Variants in CADM2 observed in about 807,000 individuals in gnomAD.
CADM2 encodes the protein immunoglobulin superfamily member 4D.
In CADM2, 12 loss-of-function variants were observed where a neutral mutation model predicts 49.8. That is an observed-to-expected ratio of 0.24 (90% CI 0.15 to 0.39). The LOEUF (loss-of-function observed/expected upper bound fraction) is 0.39. CADM2 is among the 10% of genes least tolerant of loss of function. The pLI, the probability that CADM2 is intolerant of heterozygous loss-of-function variation, is 1.00. For synonymous variants in CADM2, 214 were observed against 175.4 expected (o/e 1.22, Z -1.74); for missense variants, 378 against 492.3 (o/e 0.77, Z 2.20).
chr3:85,010,803 A>C (rs568484196), intron 1 of CADM2, among the ~76,000 whole-genome samples: 1 of 129,972 alleles, frequency 7.7e-6, no homozygotes, highest in African/African-American at 3.0e-5. Context: ...TTCTTAGAAT[A>C]TTCACCAAAC....
At chr3:86,042,716 C>T (rs1169033326) in intron 8 of CADM2, among the ~76,000 whole-genome samples, 2 of 152,144 alleles carry the variant, frequency 1.3e-5, no homozygotes, top group Non-Finnish European at 2.9e-5. Context: ...GGAATCCTCC[C>T]TAACTCATTT....
intron 1 of CADM2, among the ~76,000 whole-genome samples, chr3:85,021,762 C>T (rs915694103): frequency 2.0e-5 from 3 of 151,886 alleles, no homozygotes; most frequent in Non-Finnish European, 4.4e-5. Flanking sequence ...GTGACAAGGG[C>T]GAAACTCCGT....
At chr3:85,612,585 T>A (rs1014686527) in intron 1 of CADM2, among the ~76,000 whole-genome samples, 5 of 151,850 alleles carry the variant, frequency 3.3e-5, no homozygotes, top group Non-Finnish European at 7.4e-5. Context: ...TAGTTAAGTA[T>A]GTTAGGTTTA....
chr3:85,506,620 A>G (rs1409104678), intron 1 of CADM2, among the ~76,000 whole-genome samples: 1 of 152,022 alleles, frequency 6.6e-6, no homozygotes, highest in Admixed American at 6.6e-5. Context: ...GCTGGACTCC[A>G]ACTCCTGAGC....
chr3:85,896,347 A>G (rs1014443012), intron 5 of CADM2, among the ~76,000 whole-genome samples: 5 of 152,216 alleles, frequency 3.3e-5, no homozygotes, highest in African/African-American at 1.2e-4. Flanking sequence ...GGTTATGCTT[A>G]TAGTAGGTTT....
chr3:85,763,755 A>G (rs2069511081), intron 2 of CADM2, among the ~76,000 whole-genome samples: 1 of 152,086 alleles, frequency 6.6e-6, no homozygotes, highest in African/African-American at 2.4e-5. Context: ...CTTTCCTCCC[A>G]TAGCTGCATA....
chr3:85,484,942 T>C (rs2039358305), intron 1 of CADM2, among the ~76,000 whole-genome samples: 2 of 152,076 alleles, frequency 1.3e-5, no homozygotes, highest in Non-Finnish European at 2.9e-5. Flanking sequence ...AGTTTGCCAG[T>C]GTAGCACAGT....
chr3:85,924,592 A>AAATAAAT (rs1553708090), intron 6 of CADM2, among the ~76,000 whole-genome samples: 1 of 146,218 alleles, frequency 6.8e-6, no homozygotes, highest in African/African-American at 2.5e-5. Context: ...ACAACATCTA[A>AAATAAAT]AAATAAATAA....
intron 3 of CADM2, among the ~76,000 whole-genome samples, chr3:85,821,591 C>T (rs948293249): frequency 1.3e-5 from 2 of 152,074 alleles, no homozygotes; most frequent in African/African-American, 4.8e-5. Flanking sequence ...TTAGGGTATA[C>T]ACTCTGTATA....
At chr3:86,059,930 C>T (rs1226875617) in intron 8 of CADM2, among the ~76,000 whole-genome samples, 2 of 152,008 alleles carry the variant, frequency 1.3e-5, no homozygotes, top group Non-Finnish European at 2.9e-5. Flanking sequence ...AATACACTTA[C>T]TTGTAGACAT....
intron 1 of CADM2, among the ~76,000 whole-genome samples, chr3:85,618,545 C>T (rs183852263): frequency 2.0e-3 from 308 of 152,110 alleles, no homozygotes; most frequent in Middle Eastern, 3.4e-3. Flanking sequence ...ACCATGGTAC[C>T]TTCCATTCTT....
chr3:85,825,819 T>C (rs923400564), intron 3 of CADM2, among the ~76,000 whole-genome samples: 4 of 152,072 alleles, frequency 2.6e-5, no homozygotes, highest in African/African-American at 4.8e-5. Context: ...GAATTATATA[T>C]TGGTGAATTC....
intron 1 of CADM2, among the ~76,000 whole-genome samples, chr3:85,490,264 C>T (rs1198245422): frequency 6.6e-6 from 1 of 152,094 alleles, no homozygotes; most frequent in East Asian, 1.9e-4. Context: ...AGGTTATAGA[C>T]TCAAGACTTG....
rs111813379 is a variant in CADM2, at chr3:85,278,381, A to T, written c.61+318713A>T. The stretch of plus-strand genomic sequence containing the variant: ...TGTCTCTTAGCCGTTATAAACTCTA[A>T]TTTTATTCTGAAGTACAACTCAGGA... On this transcript the variant is annotated intron_variant, in intron 1 of 9. Coordinates refer to ENST00000383699, the MANE Select transcript of CADM2 (RefSeq NM_001167675.2). Among the ~76,000 whole-genome samples, 665 of 151,338 alleles carry T rather than the reference A, an allele frequency of 4.4e-3. 3 individuals are homozygous for T. The highest frequency in any genetic ancestry group is 0.014 in the African/African-American group (591 of 41,418).
chr3:85,541,915 C>T (rs1261801868), intron 1 of CADM2, among the ~76,000 whole-genome samples: 1 of 151,002 alleles, frequency 6.6e-6, no homozygotes, highest in African/African-American at 2.4e-5. Context: ...ATGGAGTATA[C>T]ACTGTGTTTT....
At chr3:85,000,222 T>A (rs1287387420) in intron 1 of CADM2, among the ~76,000 whole-genome samples, 2 of 150,732 alleles carry the variant, frequency 1.3e-5, no homozygotes, top group Admixed American at 1.3e-4. Context: ...TAAGCAATCC[T>A]CCTACCTTAC....
chr3:85,716,954 G>T (rs1489878744), intron 1 of CADM2, among the ~76,000 whole-genome samples: 4 of 152,096 alleles, frequency 2.6e-5, no homozygotes, highest in Non-Finnish European at 5.9e-5. Context: ...TGTTCTTTTT[G>T]ATTAGGATTG....
chr3:85,776,716 G>C (rs1459918784), intron 2 of CADM2, among the ~76,000 whole-genome samples: 2 of 152,008 alleles, frequency 1.3e-5, no homozygotes, highest in African/African-American at 4.8e-5. Flanking sequence ...TTCAATATAA[G>C]TGTTAAGGCA....
chr3:85,514,914 TC>T (rs1325349411), intron 1 of CADM2, among the ~76,000 whole-genome samples: 3 of 152,174 alleles, frequency 2.0e-5, no homozygotes, highest in Admixed American at 2.0e-4. Flanking sequence ...ATAAAGTATA[TC>T]TTTATTACCC....
Sources: allele counts gnomAD v4.1 joint callset (sites outside exome capture counted in the v4.1 genomes callset), GRCh38; gene constraint gnomAD v4.1.1; transcripts MANE v1.5; gene names NCBI Gene and HGNC (gene_info 2026-07-23, HGNC 2026-07-21).